The following COQ6 variants were observed in gnomAD, a reference collection of about 807,000 sequenced individuals.
COQ6 encodes ubiquinone biosynthesis monooxygenase COQ6, mitochondrial.
Under a neutral mutation model 55.5 loss-of-function variants are expected in COQ6, and 45 were observed. That is an observed-to-expected ratio of 0.81 (90% CI 0.64 to 1.04). The LOEUF is 1.04. COQ6 is among the 50% of genes least tolerant of loss of function. COQ6 has a pLI of 0.00. For missense variants in COQ6, 550 were observed against 601.3 expected (o/e 0.91, Z 0.89); for synonymous variants, 206 against 230.5 (o/e 0.89, Z 0.96).
chr14:73,950,160 C>T (rs769486845), upstream of COQ6: 3 of 1,586,752 alleles, frequency 1.9e-6, no homozygotes, highest in Non-Finnish European at 2.6e-6. Flanking sequence ...GCCTCCGATC[C>T]ATCCCGCCCG....
chr14:73,958,222 G>A lies in COQ6; in HGVS notation c.557G>A (p.Ser186Asn), dbSNP rs1163323718. ...TGTCCATTTCCTATGGCCGACTCCA[G>A]CCCTTGGGTTCATATTACCCTAGGT... ...WPCPFPMADS[S>N]PWVHITLGDG... The change falls in exon 5 of 12, where the codon AGC (serine) becomes AAC (asparagine). Residue 186 changes from serine to asparagine, a missense_variant. Transcript: ENST00000334571. 1 of 1,613,948 alleles carries A rather than the reference G, an allele frequency of 6.2e-7. No homozygotes were observed. Among genetic ancestry groups the A allele is most frequent in the African/African-American group, 1.3e-5 (1 of 74,900 alleles).
chr14:73,961,157 G>A lies in COQ6; in HGVS notation c.892-16G>A. 1 of 1,612,068 alleles carries A rather than the reference G, an allele frequency of 6.2e-7. No homozygotes were observed. Among genetic ancestry groups the A allele is most frequent in the Non-Finnish European group, 8.5e-7 (1 of 1,179,336 alleles). On this transcript the variant is annotated splice_polypyrimidine_tract_variant and intron_variant, in intron 8 of 11. Coordinates refer to ENST00000334571, the MANE Select transcript of COQ6 (RefSeq NM_182476.3). ...TCACATTTCACCTTGTTTGTCTTGT[G>A]GCTGATGCTGCTCAGTGGAGTGATG...
Position 73,958,230 on chromosome 14 carries a change from G to A in COQ6, c.565G>A (p.Val189Ile), listed in dbSNP as rs150045098. Residue 189 changes from valine to isoleucine, a missense_variant, in exon 5 of 12, where the codon GTT becomes ATT. Coordinates refer to ENST00000334571, the MANE Select transcript of COQ6 (RefSeq NM_182476.3). ...PFPMADSSPW[V>I]HITLGDGSTF... is the part of the protein sequence containing the mutation. ...TCCTATGGCCGACTCCAGCCCTTGG[G>A]TTCATATTACCCTAGGTGATGGCAG... 1.2e-6 allele frequency: 2 copies of A among 1,613,950 alleles called. No homozygotes were observed. Among genetic ancestry groups the A allele is most frequent in the African/African-American group, 1.3e-5 (1 of 74,880 alleles).
chr14:73,957,398 T>C (rs1012892142), intron 4 of COQ6, among the ~76,000 whole-genome samples: 1 of 152,218 alleles, frequency 6.6e-6, no homozygotes, highest in Admixed American at 6.5e-5. Context: ...ATTATTTAAA[T>C]CGCTTTGTTG....
In COQ6 at chr14:73,953,308, A is replaced by G. The variant is rs1411894623; in HGVS notation, c.164-127A>G. On this transcript the variant is annotated intron_variant, in intron 1 of 11. Transcript: ENST00000334571. The stretch of plus-strand genomic sequence containing the variant: ...TTATTGCTTAGGACTCTGCATGGGT[A>G]TAGTGTTTATGTTCTCTGTAAGAAA... The G allele has an allele frequency of 3.5e-6, 3 of 849,436 alleles. No individual in the cohort carries two copies. In the African/African-American group the frequency reaches 5.1e-5, roughly 14 times the overall value. The allele number at this position is 849,436 out of a possible 1,614,324, so 52.6% of individuals were successfully genotyped here.
At chr14:73,951,294 C>T (rs901422090) in intron 1 of COQ6, among the ~76,000 whole-genome samples, 1 of 152,210 alleles carries the variant, frequency 6.6e-6, no homozygotes, top group Non-Finnish European at 1.5e-5. Context: ...CCCTGCCTGG[C>T]CATTATTTTG....
chr14:73,962,712 G>C (rs1174404270), intron 11 of COQ6: 3 of 499,542 alleles, frequency 6.0e-6, no homozygotes, highest in African/African-American at 1.9e-5. Flanking sequence ...CACTTTATAG[G>C]AGGCTGGGGA....
At chr14:73,959,127 A>G (rs779390191) in intron 6 of COQ6, 35 bp from the exon 7 acceptor site, 1 of 1,614,196 alleles carries the variant, frequency 6.2e-7, no homozygotes, top group South Asian at 1.1e-5. Context: ...GGCACTAGGT[A>G]CTTCACAGAG....
chr14:73,955,180 C>G, intron 2 of COQ6: 1 of 486,360 alleles, frequency 2.1e-6, no homozygotes, highest in South Asian at 2.1e-5. Flanking sequence ...GTCTCTATCT[C>G]CTGATCTCGT....
intron 8 of COQ6, chr14:73,960,274 T>C: frequency 1.0e-6 from 1 of 986,192 alleles, no homozygotes; most frequent in Non-Finnish European, 1.2e-6. Flanking sequence ...CAGGATTGAA[T>C]AAAGACTTTC....
chr14:73,955,151 C>T (rs2056373489), intron 2 of COQ6, among the ~76,000 whole-genome samples: 1 of 151,728 alleles, frequency 6.6e-6, no homozygotes, highest in Non-Finnish European at 1.5e-5. Context: ...GATGAGGTTT[C>T]ACGGTGTTAG....
At chr14:73,950,633 AC>A in intron 1 of COQ6, 138 bp downstream of exon 1, 1 of 1,297,756 alleles carries the variant, frequency 7.7e-7, no homozygotes, top group Non-Finnish European at 1.0e-6. Flanking sequence ...TCCTAGAGGA[AC>A]CCCAGGGCAC....
Position 73,950,314 on chromosome 14 carries a change from G to T in COQ6, c.-19G>T, listed in dbSNP as rs1480247246. On this transcript the variant is annotated 5_prime_UTR_variant, in exon 1 of 12. Transcript: ENST00000334571. Reference sequence around the variant, plus strand: ...GTGGGCCTGCGGGAGTTCTGAGTGCGACGGCGCAGGTCTGCACCATGGCGG... The same window carrying T: ...GTGGGCCTGCGGGAGTTCTGAGTGCTACGGCGCAGGTCTGCACCATGGCGG... The T allele has an allele frequency of 1.9e-6, 3 of 1,545,850 alleles. No individual in the cohort carries two copies. The highest frequency in any genetic ancestry group is 1.7e-6 in the Non-Finnish European group (2 of 1,149,054).
chr14:73,959,576 GTGT>G (rs748847174), intron 8 of COQ6, 54 bp downstream of exon 8: 38 of 1,613,066 alleles, frequency 2.4e-5, no homozygotes, highest in Middle Eastern at 1.6e-4. Flanking sequence ...ATACAGAAAG[GTGT>G]TGTTTTTTTT....
Position 73,959,132 on chromosome 14 carries a change from A to G in COQ6, c.721-30A>G, listed in dbSNP as rs574401933. The G allele has an allele frequency of 1.3e-4, 205 of 1,614,196 alleles. 1 individual carries two copies. The South Asian group carries it at 2.2e-3, about 17-fold the overall frequency. ...TTTATTCATAGGCACTAGGTACTTC[A>G]CAGAGAAACTTTTCTCCTCTCTGTT... On this transcript the variant is annotated intron_variant, in intron 6 of 11. Transcript: ENST00000334571.
At chr14:73,962,790 C>T in intron 11 of COQ6, 180 bp from the exon 12 acceptor site, 1 of 623,904 alleles carries the variant, frequency 1.6e-6, no homozygotes, top group Non-Finnish European at 2.9e-6. Context: ...GCACTCCAGC[C>T]CAGTCAACAG....
At chr14:73,962,162 G>T (rs1312117172) in intron 11 of COQ6, among the ~76,000 whole-genome samples, 2 of 151,892 alleles carry the variant, frequency 1.3e-5, no homozygotes, top group Non-Finnish European at 2.9e-5. Context: ...TGGCCAAGCT[G>T]GTCTTGAACT....
intron 4 of COQ6, chr14:73,956,653 A>G (rs2056450917): frequency 6.6e-6 from 1 of 151,504 alleles, no homozygotes; most frequent in South Asian, 2.1e-4. Flanking sequence ...CCATTTGTGT[A>G]TCCACTTTGG....
chr14:73,954,215 G>T (rs955747884), intron 2 of COQ6, among the ~76,000 whole-genome samples: 1 of 152,180 alleles, frequency 6.6e-6, no homozygotes, highest in Non-Finnish European at 1.5e-5. Context: ...TTTGTCCATT[G>T]GTTTCCCACT....
Sources: gnomAD v4.1 joint callset for allele counts (sites outside exome capture counted in the v4.1 genomes callset) on GRCh38, gnomAD v4.1.1 for gene constraint, MANE v1.5 for transcripts, NCBI Gene and HGNC (gene_info 2026-07-23, HGNC 2026-07-21) for gene names.